PCDH15: variants seen among roughly 807,000 people sequenced by gnomAD.
PCDH15 encodes the protein protocadherin related 15.
PCDH15 carries 129 observed loss-of-function variants against 178.5 expected under a neutral mutation model. That is an observed-to-expected ratio of 0.72 (90% CI 0.63 to 0.84). The LOEUF (loss-of-function observed/expected upper bound fraction) is 0.84. Among genes scored for constraint, PCDH15 ranks in the 40% least tolerant of loss-of-function variants. The probability of loss-of-function intolerance (pLI) is 0.00; values close to 1 mark genes in which losing one functional copy is unlikely to be tolerated. For missense variants in PCDH15, 2,230 were observed against 2,099.9 expected (o/e 1.06, Z -1.21); for synonymous variants, 800 against 732.0 (o/e 1.09, Z -1.50).
intron 18 of PCDH15, among the ~76,000 whole-genome samples, chr10:54,036,838 A>T (rs1488030196): frequency 6.6e-6 from 1 of 152,010 alleles, no homozygotes; most frequent in African/African-American, 2.4e-5. Context: ...TAAAAATCTT[A>T]TGGAAATGAT....
intron 2 of PCDH15, among the ~76,000 whole-genome samples, chr10:54,918,896 A>G (rs888729347): frequency 6.6e-6 from 1 of 152,184 alleles, no homozygotes; most frequent in Non-Finnish European, 1.5e-5. Context: ...ACCAAACATC[A>G]TAAGTGAGCC....
At chr10:54,084,506 C>A (rs2094487462) in intron 16 of PCDH15, among the ~76,000 whole-genome samples, 1 of 151,734 alleles carries the variant, frequency 6.6e-6, no homozygotes, top group African/African-American at 2.4e-5. Context: ...TAAAAATTAT[C>A]ACCTGTAGTC....
chr10:55,361,855 T>C (rs1479460206), intron 2 of PCDH15, among the ~76,000 whole-genome samples: 2 of 152,134 alleles, frequency 1.3e-5, no homozygotes, highest in Non-Finnish European at 2.9e-5. Context: ...TCATTTATTA[T>C]TCTTAAAATG....
chr10:55,380,646 G>A lies in PCDH15; in HGVS notation c.-155-213995C>T, dbSNP rs1588971137. Among the ~76,000 whole-genome samples the A allele has an allele frequency of 2.0e-5, 3 of 152,044 alleles. No homozygotes were observed. The South Asian group carries it at 6.2e-4, about 31-fold the overall frequency. ...TGTCATACAATCCCACTGTGTATGC[G>A]GTATTCACCTCAATCCACCTCTGCA... On this transcript the variant is annotated intron_variant, in intron 2 of 5. Coordinates refer to the PCDH15 transcript ENST00000613346.
chr10:54,148,921 C>A (rs2044245878), intron 14 of PCDH15, among the ~76,000 whole-genome samples: 1 of 151,508 alleles, frequency 6.6e-6, no homozygotes, highest in Admixed American at 6.6e-5. Context: ...AAAGTCTTTC[C>A]AAGAATTCCT....
intron 1 of PCDH15, among the ~76,000 whole-genome samples, chr10:54,665,347 G>A (rs969350813): frequency 3.9e-5 from 6 of 151,954 alleles, no homozygotes; most frequent in African/African-American, 1.4e-4. Context: ...ATTTCCAAGT[G>A]TTTACATGAT....
intron 2 of PCDH15, among the ~76,000 whole-genome samples, chr10:55,075,147 G>T (rs1037575510): frequency 1.3e-5 from 2 of 151,856 alleles, no homozygotes; most frequent in African/African-American, 4.8e-5. Flanking sequence ...ATCTATTTCA[G>T]GTTTTCTATT....
chr10:55,348,392 T>G (rs188959998), intron 2 of PCDH15, among the ~76,000 whole-genome samples: 3 of 152,038 alleles, frequency 2.0e-5, no homozygotes, highest in Non-Finnish European at 4.4e-5. Context: ...TTCCTGTGCT[T>G]TCTTTCATTC....
chr10:54,022,906 T>G lies in PCDH15; in HGVS notation c.2512A>C (p.Ile838Leu). ...VEENLPAGTT[I>L]LQIEAKDVDL... ...TTCCCACACACCTCTATTTGAAGGA[T>G]GGTAGTCCCAGCTGGCAAATTCTCT... Residue 838 changes from isoleucine to leucine, a missense_variant, in exon 19 of 38, where the codon ATC becomes CTC. Coordinates refer to ENST00000644397, the MANE Select transcript of PCDH15 (RefSeq NM_001384140.1). 6.2e-7 allele frequency: 1 copy of G among 1,613,874 alleles called. No homozygotes were observed. The highest frequency in any genetic ancestry group is 8.5e-7 in the Non-Finnish European group (1 of 1,179,796).
At chr10:54,321,491 A>G (rs1449774379) in intron 7 of PCDH15, among the ~76,000 whole-genome samples, 2 of 151,818 alleles carry the variant, frequency 1.3e-5, no homozygotes, top group Non-Finnish European at 2.9e-5. Context: ...ATGCATATAT[A>G]CACATACATG....
At chr10:54,613,308 G>A (rs1271241824) in intron 2 of PCDH15, among the ~76,000 whole-genome samples, 1 of 151,822 alleles carries the variant, frequency 6.6e-6, no homozygotes, top group Non-Finnish European at 1.5e-5. Context: ...AAAATTTGTA[G>A]AGAATGTGAA....
intron 15 of PCDH15, among the ~76,000 whole-genome samples, chr10:54,101,483 T>A (rs1269324939): frequency 6.6e-6 from 1 of 152,220 alleles, no homozygotes; most frequent in Non-Finnish European, 1.5e-5. Flanking sequence ...GCATGTATTA[T>A]TTTGAGCAAA....
intron 2 of PCDH15, among the ~76,000 whole-genome samples, chr10:55,352,856 T>C (rs1173848662): frequency 6.6e-6 from 1 of 152,112 alleles, no homozygotes; most frequent in Non-Finnish European, 1.5e-5. Context: ...AGTCACTGTT[T>C]GATGGTCTGC....
At chr10:54,670,259 T>A (rs2094639295) in intron 1 of PCDH15, among the ~76,000 whole-genome samples, 1 of 152,080 alleles carries the variant, frequency 6.6e-6, no homozygotes, top group Non-Finnish European at 1.5e-5. Context: ...AAATATATAA[T>A]CAACAGTTGT....
intron 8 of PCDH15, among the ~76,000 whole-genome samples, chr10:54,295,301 C>A (rs111454839): frequency 2.0e-5 from 3 of 151,790 alleles, no homozygotes; most frequent in South Asian, 2.1e-4. Context: ...CCAATCAATT[C>A]TCTGTAAAAT....
rs544619030 is a variant in PCDH15 at position 54,163,737 on chromosome 10, A to G, written c.1591-10444T>C. On this transcript the variant is annotated intron_variant, in intron 13 of 37. Coordinates refer to ENST00000644397, the MANE Select transcript of PCDH15 (RefSeq NM_001384140.1). ...GGCAAACATATTAACCTAAATAAGC[A>G]GAGTAGGGAACATTCTTTTTCAATA... Among the ~76,000 whole-genome samples, 20 of 152,306 alleles carry G rather than the reference A, an allele frequency of 1.3e-4. No homozygotes were observed. The East Asian group carries it at 3.1e-3, about 24-fold the overall frequency.
chr10:55,323,864 G>A (rs1023683310), upstream of PCDH15, among the ~76,000 whole-genome samples: 1 of 152,126 alleles, frequency 6.6e-6, no homozygotes, highest in Non-Finnish European at 1.5e-5. Context: ...TTTAGGAGGT[G>A]TTGGGGTAGA....
At chr10:54,534,939 C>T (rs959658096) in intron 2 of PCDH15, among the ~76,000 whole-genome samples, 4 of 152,160 alleles carry the variant, frequency 2.6e-5, no homozygotes, top group Admixed American at 2.6e-4. Flanking sequence ...GAACAATAAT[C>T]TAACTTGTAT....
At chr10:55,345,389 A>C (rs1379130483) in intron 2 of PCDH15, among the ~76,000 whole-genome samples, 3 of 151,962 alleles carry the variant, frequency 2.0e-5, no homozygotes, top group African/African-American at 7.2e-5. Flanking sequence ...AAGGCTCTCA[A>C]AGTGCCATCC....
Sources: gnomAD v4.1 joint callset for allele counts (sites outside exome capture counted in the v4.1 genomes callset) on GRCh38, gnomAD v4.1.1 for gene constraint, MANE v1.5 for transcripts, NCBI Gene and HGNC (gene_info 2026-07-23, HGNC 2026-07-21) for gene names.